The following BAG1 variants were observed in gnomAD, a reference collection of about 807,000 sequenced individuals.
BAG1 encodes BAG family molecular chaperone regulator 1.
In BAG1, 35 loss-of-function variants were observed where a neutral mutation model predicts 35.5. The ratio of observed to expected loss-of-function variants is 0.99; its 90% confidence interval spans 0.75 to 1.31. BAG1 has a LOEUF of 1.31. BAG1 is among the 50% of genes most tolerant of loss of function. The pLI is 0.00. For synonymous variants in BAG1, 191 were observed against 178.9 expected (o/e 1.07, Z -0.54); for missense variants, 464 against 453.6 (o/e 1.02, Z -0.21).
At chr9:33,263,716 G>GTAC (rs1820631494) in intron 1 of BAG1, among the ~76,000 whole-genome samples, 1 of 152,130 alleles carries the variant, frequency 6.6e-6, no homozygotes, top group Non-Finnish European at 1.5e-5. Context: ...GCTCTCCGGT[G>GTAC]TACTGACTTC....
At position 33,256,912 on chromosome 9, in the gene BAG1, C is replaced by A. The variant is rs747479504; in HGVS notation, c.778-4G>T. The A allele has an allele frequency of 1.2e-6, 2 of 1,611,888 alleles. No homozygotes were observed. Among genetic ancestry groups the A allele is most frequent in the Admixed American group, 1.7e-5 (1 of 59,966 alleles). On this transcript the variant is annotated splice_region_variant and splice_polypyrimidine_tract_variant and intron_variant, in intron 4 of 6. Coordinates refer to ENST00000634734, the MANE Select transcript of BAG1 (RefSeq NM_004323.6). The stretch of plus-strand genomic sequence containing the variant: ...GCAAATCCTTGGGCAGAAAACCCTG[C>A]GGGGAAATAATGCATTATTGCAAGG...
intron 2 of BAG1, chr9:33,261,947 AAC>A: frequency 5.1e-6 from 5 of 985,436 alleles, no homozygotes; most frequent in Non-Finnish European, 6.0e-6. Flanking sequence ...AGGCACTGGA[AAC>A]ACAGCAGTAT....
rs2117987615 is a variant in BAG1 at position 33,264,207 on chromosome 9, T to C, written c.451+17A>G. On this transcript the variant is annotated intron_variant, in intron 1 of 6. Coordinates refer to ENST00000634734, the MANE Select transcript of BAG1 (RefSeq NM_004323.6). ...TTTCGGGACCTGCATGGAGCCCACCTGGCGCCCGACACTCACTGTGGGTGA... is the reference window on the plus strand; with the variant it reads ...TTTCGGGACCTGCATGGAGCCCACCCGGCGCCCGACACTCACTGTGGGTGA... 1 of 1,585,400 alleles carries C rather than the reference T, an allele frequency of 6.3e-7. No individual in the cohort carries two copies.
At position 33,264,597 on chromosome 9, in the gene BAG1, T is replaced by C. The variant is rs1385835528; in HGVS notation, c.78A>G (p.Pro26=). Residue 26 remains proline, a synonymous_variant, in exon 1 of 7, where the codon CCA becomes CCG. Transcript: ENST00000634734. ...GCTCCGACTGGCGCGGCTCCCGGCCTGGCCGAAGGGCGCGCAGCCGGGAAC... is the reference window on the plus strand; with the variant it reads ...GCTCCGACTGGCGCGGCTCCCGGCCCGGCCGAAGGGCGCGCAGCCGGGAAC... The C allele has an allele frequency of 1.4e-6, 2 of 1,389,108 alleles. No individual in the cohort carries two copies. Among genetic ancestry groups the C allele is most frequent in the Admixed American group, 3.6e-5 (1 of 28,040 alleles). The allele number at this position is 1,389,108 out of a possible 1,614,324, so 86.0% of individuals were successfully genotyped here. A position where few individuals can be genotyped will look rare whatever the true frequency, so the allele number is the denominator to read the frequency against.
rs781407014 is a variant in BAG1 at position 33,264,548 on chromosome 9, G to C, written c.127C>G (p.Pro43Ala). 6.6e-7 allele frequency: 1 copy of C among 1,515,368 alleles called. No individual in the cohort carries two copies. The highest frequency in any genetic ancestry group is 1.3e-5 in the South Asian group (1 of 79,740). The allele number at this position is 1,515,368 out of a possible 1,614,324, so 93.9% of individuals were successfully genotyped here. A position where few individuals can be genotyped will look rare whatever the true frequency, so the allele number is the denominator to read the frequency against. ...CTCCGGGCAGGTGGACGCCCAGAGG[G>C]AGGCGGACCACGCTGGGCCGGGGGC... The change falls in exon 1 of 7, where the codon CCC becomes GCC. Residue 43 changes from proline to alanine, a missense_variant. By Grantham distance (27) the Pro-to-Ala change is conservative. Coordinates refer to ENST00000634734, the MANE Select transcript of BAG1 (RefSeq NM_004323.6).
At chr9:33,257,124 G>A (rs892548790) in intron 4 of BAG1, 25 of 504,832 alleles carry the variant, frequency 5.0e-5, no homozygotes, top group Middle Eastern at 5.2e-4. Context: ...TACCTCGCAT[G>A]ACCCACTGTG....
rs542912 is a variant in BAG1 at position 33,252,785 on chromosome 9, C to G, written c.*2434G>C. The G allele has an allele frequency of 0.19, 29,322 of 151,888 alleles. 3,075 individuals are homozygous for G. Among genetic ancestry groups the G allele is most frequent in the African/African-American group, 0.26 (10,604 of 41,334 alleles). 9.4% of individuals were successfully genotyped at this position (151,888 alleles called of 1,614,324 possible). A position where few individuals can be genotyped will look rare whatever the true frequency, so the allele number is the denominator to read the frequency against. ...ACCTGGGGGCTGGACAGGGTCTCAA[C>G]ACAGTAGGTGAGGGTTCTCCATGCA... On this transcript the variant is annotated 3_prime_UTR_variant, in exon 7 of 7. Transcript: ENST00000634734.
intron 5 of BAG1, among the ~76,000 whole-genome samples, chr9:33,256,502 T>A (rs1820456199): frequency 6.6e-6 from 1 of 152,214 alleles, no homozygotes. Flanking sequence ...TCCTGGACCA[T>A]GAGATCGTGG....
intron 1 of BAG1, among the ~76,000 whole-genome samples, chr9:33,263,915 CCTGACACAAA>C (rs1820639547): frequency 1.3e-5 from 2 of 152,136 alleles, no homozygotes; most frequent in Non-Finnish European, 2.9e-5. Flanking sequence ...CCAATATATG[CCTGACACAAA>C]GGGCACAATA....
Position 33,261,087 on chromosome 9 carries a change from CT to C in BAG1, c.662del (p.Lys221ArgfsTer10). 2.5e-6 allele frequency: 4 copies of C among 1,601,568 alleles called. No individual in the cohort carries two copies. Among genetic ancestry groups the C allele is most frequent in the South Asian group, 1.1e-5 (1 of 88,870 alleles). On this transcript the variant is annotated frameshift_variant and splice_region_variant, in exon 3 of 7. Coordinates refer to ENST00000634734, the MANE Select transcript of BAG1 (RefSeq NM_004323.6). LOFTEE classifies it high-confidence loss of function. ...ATTTCTGATGGAAAAAGCAATTTAC[CT>C]TTTTCCCAATTAACATGACCCGGCA...
chr9:33,260,145 A>T (rs1312247610), intron 3 of BAG1: 5 of 152,244 alleles, frequency 3.3e-5, no homozygotes, highest in African/African-American at 4.8e-5. Context: ...TTGCTGGGAC[A>T]ATAGGCATGT....
chr9:33,258,356 A>T (rs1820501072), intron 4 of BAG1, among the ~76,000 whole-genome samples: 1 of 151,562 alleles, frequency 6.6e-6, no homozygotes, highest in Non-Finnish European at 1.5e-5. Context: ...TTAATGCTAT[A>T]AAATGAGAGG....
In BAG1 at chr9:33,254,422, GAGA is replaced by G. The variant is rs1169879451; in HGVS notation, c.*794_*796del. ...TTTGAAGGAAGCACATGTCACTCCTGAGAAGTTTATGGTTGGCTTCACCACCTG... is the reference window on the plus strand; with the variant it reads ...TTTGAAGGAAGCACATGTCACTCCTGAGTTTATGGTTGGCTTCACCACCTG... On this transcript the variant is annotated 3_prime_UTR_variant, in exon 7 of 7. Coordinates refer to ENST00000634734, the MANE Select transcript of BAG1 (RefSeq NM_004323.6). 6.6e-6 allele frequency: 1 copy of G among 152,618 alleles called. No homozygotes were observed. Among genetic ancestry groups the G allele is most frequent in the Non-Finnish European group, 1.5e-5 (1 of 68,378 alleles). The allele number at this position is 152,618 out of a possible 1,614,324, so 9.5% of individuals were successfully genotyped here.
At chr9:33,261,552 G>A (rs997705327) in intron 2 of BAG1, among the ~76,000 whole-genome samples, 2 of 152,128 alleles carry the variant, frequency 1.3e-5, no homozygotes, top group East Asian at 3.8e-4. Context: ...AATGAATGCT[G>A]ATGACACAGT....
Position 33,261,120 on chromosome 9 carries a change from T to G in BAG1, c.630A>C (p.Gln210His), listed in dbSNP as rs752936421. Residue 210 changes from glutamine to histidine, a missense_variant, in exon 3 of 7, where the codon CAA becomes CAC. Coordinates refer to ENST00000634734, the MANE Select transcript of BAG1 (RefSeq NM_004323.6). ...CAATTAACATGACCCGGCAACCATC[T>G]TGTATTCCAAGTGCTGACAACGGTG... 1 of 1,610,716 alleles carries G rather than the reference T, an allele frequency of 6.2e-7. No individual in the cohort carries two copies. Among genetic ancestry groups the G allele is most frequent in the East Asian group, 2.2e-5 (1 of 44,738 alleles).
intron 5 of BAG1, 83 bp from the exon 6 acceptor site, chr9:33,256,010 A>C: frequency 1.6e-6 from 2 of 1,266,696 alleles, no homozygotes; most frequent in Non-Finnish European, 2.3e-6. Context: ...ACATGAGAGC[A>C]CATAAGAAAC....
In BAG1 at chr9:33,254,942, C is replaced by T. The variant is rs1820419486; in HGVS notation, c.*277G>A. 3 of 1,284,650 alleles carry T rather than the reference C, an allele frequency of 2.3e-6. No homozygotes were observed. Among genetic ancestry groups the T allele is most frequent in the Non-Finnish European group, 3.1e-6 (3 of 966,798 alleles). 79.6% of individuals were successfully genotyped at this position (1,284,650 alleles called of 1,614,324 possible). A position where few individuals can be genotyped will look rare whatever the true frequency, so the allele number is the denominator to read the frequency against. On this transcript the variant is annotated 3_prime_UTR_variant, in exon 7 of 7. Coordinates refer to ENST00000634734, the MANE Select transcript of BAG1 (RefSeq NM_004323.6). ...CAGCCCAAAGAAAGCACCCAGAGGT[C>T]CAAACAGCTGGGAAAATTTGGGCAG...
At chr9:33,262,316 G>A in intron 2 of BAG1, 1 of 1,238,580 alleles carries the variant, frequency 8.1e-7, no homozygotes, top group Non-Finnish European at 1.0e-6. Context: ...GAAAAGTTCA[G>A]CAGTTTTAAA....
chr9:33,262,226 C>T, intron 2 of BAG1: 2 of 1,283,690 alleles, frequency 1.6e-6, no homozygotes, highest in South Asian at 1.2e-5. Context: ...AGCAGGTCCT[C>T]AATAAATATC....
Sources: allele counts gnomAD v4.1 joint callset (sites outside exome capture counted in the v4.1 genomes callset), GRCh38; gene constraint gnomAD v4.1.1; transcripts MANE v1.5; gene names NCBI Gene and HGNC (gene_info 2026-07-23, HGNC 2026-07-21).